Variants in DLG2 observed in about 807,000 individuals in gnomAD.
DLG2 encodes disks large homolog 2.
A neutral mutation model predicts 132.5 loss-of-function variants in DLG2; 45 were observed. That is an observed-to-expected ratio of 0.34 (90% CI 0.27 to 0.44). The LOEUF (loss-of-function observed/expected upper bound fraction) is 0.44. Ranked by LOEUF, DLG2 falls within the 20% of genes least tolerant of loss-of-function variation. The pLI, the probability that DLG2 is intolerant of heterozygous loss-of-function variation, is 1.00. For missense variants in DLG2, 1,045 were observed against 1,196.9 expected, an observed-to-expected ratio of 0.87 and a Z score of 1.87; for synonymous variants, 424 against 419.6, an observed-to-expected ratio of 1.01 and a Z score of -0.13.
chr11:84,198,661 C>A (rs2096554168), intron 8 of DLG2, among the ~76,000 whole-genome samples: 1 of 151,772 alleles, frequency 6.6e-6, no homozygotes, highest in Non-Finnish European at 1.5e-5. Context: ...AATGGTATAC[C>A]TGAATATGAG....
intron 6 of DLG2, among the ~76,000 whole-genome samples, chr11:85,073,711 A>C (rs2066167359): frequency 6.6e-6 from 1 of 151,872 alleles, no homozygotes; most frequent in Admixed American, 6.6e-5. Context: ...AAGAAGTAGG[A>C]TATTGAATTA....
intron 7 of DLG2, among the ~76,000 whole-genome samples, chr11:84,417,632 C>T (rs995947268): frequency 1.3e-5 from 2 of 152,134 alleles, no homozygotes; most frequent in Non-Finnish European, 2.9e-5. Context: ...CTGACCCATG[C>T]CCATCTTCTC....
intron 4 of DLG2, among the ~76,000 whole-genome samples, chr11:85,274,386 C>A (rs541237826): frequency 6.6e-6 from 1 of 152,222 alleles, no homozygotes; most frequent in South Asian, 2.1e-4. Flanking sequence ...AAAAGAGTCT[C>A]CTTTACTTAC....
At chr11:83,712,585 A>G (rs1157855307) in intron 18 of DLG2, among the ~76,000 whole-genome samples, 15 of 152,164 alleles carry the variant, frequency 9.9e-5, no homozygotes, top group Non-Finnish European at 2.2e-4. Context: ...AGCTGAGATC[A>G]TGCCACTTCA....
At chr11:84,443,699 T>C (rs2099024222) in intron 7 of DLG2, among the ~76,000 whole-genome samples, 1 of 152,198 alleles carries the variant, frequency 6.6e-6, no homozygotes, top group Non-Finnish European at 1.5e-5. Context: ...TTGAACTTCC[T>C]TCTGTTCATA....
At chr11:84,272,661 C>T (rs746963817) in intron 7 of DLG2, among the ~76,000 whole-genome samples, 15 of 152,244 alleles carry the variant, frequency 9.9e-5, no homozygotes, top group Non-Finnish European at 1.6e-4. Flanking sequence ...CTAAATATTG[C>T]ATCACTACTT....
chr11:83,980,636 C>T lies in DLG2; in HGVS notation c.926G>A (p.Gly309Asp). ...CCCCACACCTCCTGCAATACTGAAGCCTAAACCTATAAGAAAGGAACAGAA... is the reference window on the plus strand; with the variant it reads ...CCCCACACCTCCTGCAATACTGAAGTCTAAACCTATAAGAAAGGAACAGAA... ...IKLFKGPKGL[G>D]FSIAGGVGNQ... is the part of the protein sequence containing the mutation. The change falls in exon 12 of 28, where the codon GGC (glycine) becomes GAC (aspartate). Residue 309 changes from glycine (G) to aspartate (D), a missense_variant. Gly to Asp is a moderately conservative substitution (Grantham distance 94). Around this residue, in one of 4 missense-constraint regions of DLG2, gnomAD observed 109 missense variants for 159.1 expected, o/e 0.69. Coordinates refer to ENST00000376104, the MANE Select transcript of DLG2 (RefSeq NM_001142699.3). 1 of 1,598,880 alleles carries T rather than the reference C, an allele frequency of 6.3e-7. No individual in the cohort carries two copies. Among genetic ancestry groups the T allele is most frequent in the Non-Finnish European group, 8.5e-7 (1 of 1,175,032 alleles).
At chr11:84,204,240 A>G (rs1280422865) in intron 8 of DLG2, among the ~76,000 whole-genome samples, 1 of 152,224 alleles carries the variant, frequency 6.6e-6, no homozygotes, top group Non-Finnish European at 1.5e-5. Context: ...TACAGGCGTA[A>G]GCCACCGTGC....
intron 14 of DLG2, among the ~76,000 whole-genome samples, chr11:83,961,631 G>C (rs77729597): frequency 0.076 from 11,605 of 151,960 alleles, 607 homozygotes; most frequent in Non-Finnish European, 0.12. Context: ...GAAGGGGCTT[G>C]AATAAATGTT....
intron 7 of DLG2, among the ~76,000 whole-genome samples, chr11:84,420,645 G>A (rs1432059906): frequency 2.0e-5 from 1 of 48,916 alleles, no homozygotes; most frequent in East Asian, 1.1e-3. Flanking sequence ...ACCAATGCTT[G>A]TTTTCTTTTT....
chr11:83,961,822 C>A (rs2088872403), intron 14 of DLG2, among the ~76,000 whole-genome samples: 1 of 152,002 alleles, frequency 6.6e-6, no homozygotes, highest in South Asian at 2.1e-4. Flanking sequence ...TAATTAAGAG[C>A]ATAGAGATCA....
chr11:84,262,060 C>T (rs925833003), intron 7 of DLG2, among the ~76,000 whole-genome samples: 4 of 152,150 alleles, frequency 2.6e-5, no homozygotes, highest in African/African-American at 9.7e-5. Flanking sequence ...GTACTTTGTG[C>T]TTATTCTTCC....
At chr11:84,703,091 A>G (rs1241006177) in intron 6 of DLG2, among the ~76,000 whole-genome samples, 1 of 151,612 alleles carries the variant, frequency 6.6e-6, no homozygotes, top group Non-Finnish European at 1.5e-5. Context: ...AAAAATAAAA[A>G]ATGTTTTACA....
chr11:84,963,532 C>T (rs928519821), intron 6 of DLG2, among the ~76,000 whole-genome samples: 2 of 152,060 alleles, frequency 1.3e-5, no homozygotes, highest in African/African-American at 2.4e-5. Context: ...TATTATAATC[C>T]TCTTTTCATT....
intron 19 of DLG2, chr11:83,632,501 G>A (rs1013312393): frequency 2.6e-5 from 4 of 152,208 alleles, no homozygotes; most frequent in African/African-American, 9.6e-5. Context: ...CACTGATGAA[G>A]TTTGGAAGTA....
chr11:84,378,903 G>T (rs1187982273), intron 7 of DLG2, among the ~76,000 whole-genome samples: 4 of 151,660 alleles, frequency 2.6e-5, no homozygotes, highest in Admixed American at 1.3e-4. Flanking sequence ...CCAAGATCGC[G>T]CCACTTCACT....
rs368009864 is a variant in DLG2, at chr11:84,321,233, A to C, written c.520-69942T>G. 3.9e-5 allele frequency among the ~76,000 whole-genome samples: 6 copies of C among 152,244 alleles called. No homozygotes were observed. In the East Asian group the frequency reaches 1.2e-3, roughly 29 times the overall value. ...ATTTCTTTCAATCACCATGATGACC[A>C]CTGTGATGTCTAACCCAGCATCATT... is the stretch of plus-strand genomic sequence containing the variant. On this transcript the variant is annotated intron_variant, in intron 7 of 27. Transcript: ENST00000376104.
intron 6 of DLG2, among the ~76,000 whole-genome samples, chr11:84,922,893 C>T (rs1172040370): frequency 1.3e-5 from 2 of 151,388 alleles, no homozygotes; most frequent in Non-Finnish European, 2.9e-5. Flanking sequence ...TTCACAGCAG[C>T]GTTCCAACAT....
intron 25 of DLG2, among the ~76,000 whole-genome samples, chr11:83,467,876 G>T (rs1193837829): frequency 7.3e-6 from 1 of 137,366 alleles, no homozygotes; most frequent in African/African-American, 2.7e-5. Context: ...TTAAATGCGG[G>T]TTAAATGCCA....
Sources: allele counts gnomAD v4.1 joint callset (sites outside exome capture counted in the v4.1 genomes callset), GRCh38; gene constraint gnomAD v4.1.1; regional missense constraint gnomAD v4.1.1; transcripts MANE v1.5; gene names NCBI Gene and HGNC (gene_info 2026-07-23, HGNC 2026-07-21).